The following RET variants were observed in gnomAD, a reference collection of about 807,000 sequenced individuals.
RET encodes ret proto-oncogene, also known as proto-oncogene tyrosine-protein kinase receptor Ret.
In RET, 19 loss-of-function variants were observed where a neutral mutation model predicts 118.3. That is an observed-to-expected ratio of 0.16 (90% CI 0.11 to 0.24). The LOEUF is 0.24. Ranked by LOEUF, RET falls within the 10% of genes least tolerant of loss-of-function variation. The pLI, the probability that RET is intolerant of heterozygous loss-of-function variation, is 1.00. For missense variants in RET, 1,219 were observed against 1,502.1 expected (o/e 0.81, Z 3.12); for synonymous variants, 597 against 644.1 (o/e 0.93, Z 1.11).
intron 1 of RET, among the ~76,000 whole-genome samples, chr10:43,081,423 A>G (rs112712687): frequency 1.3e-5 from 2 of 152,190 alleles, no homozygotes; most frequent in African/African-American, 4.8e-5. Context: ...GAGCTGTCTC[A>G]TGGCAGGGAG....
At chr10:43,119,115 A>C (rs1286443523) in intron 13 of RET, among the ~76,000 whole-genome samples, 1 of 152,088 alleles carries the variant, frequency 6.6e-6, no homozygotes, top group Non-Finnish European at 1.5e-5. Flanking sequence ...GGGAACAGGG[A>C]GCAGGCTGTG....
chr10:43,077,484 T>TGCGGTGG (rs1837072827), intron 1 of RET, among the ~76,000 whole-genome samples, 153 bp downstream of exon 1: 1 of 59,062 alleles, frequency 1.7e-5, no homozygotes, highest in African/African-American at 5.7e-5. Context: ...GCGCAGTGGC[T>TGCGGTGG]GCGGCGGGCG....
rs1325766332 is a variant in RET at position 43,120,069 on chromosome 10, T to C, written c.2608-12T>C. ...GCCATGGCCTGACGACTCGTGCTAT[T>C]TTTCCTCACAGCTCGTTCATCGGGA... On this transcript the variant is annotated splice_polypyrimidine_tract_variant and intron_variant, in intron 14 of 19. Coordinates refer to ENST00000355710, the MANE Select transcript of RET (RefSeq NM_020975.6). 1 of 1,613,390 alleles carries C rather than the reference T, an allele frequency of 6.2e-7. No individual in the cohort carries two copies. The highest frequency in any genetic ancestry group is 1.3e-5 in the African/African-American group (1 of 74,916).
chr10:43,104,027 G>T (rs1028668419), intron 3 of RET, among the ~76,000 whole-genome samples: 1 of 152,238 alleles, frequency 6.6e-6, no homozygotes, highest in Non-Finnish European at 1.5e-5. Context: ...TGCTTCAGGG[G>T]CGATGTAGTC....
In RET at chr10:43,114,365, C is replaced by G; in HGVS notation, c.1880-115C>G. Reference sequence around the variant, plus strand: ...CCTTCCCACACCTCCATGGCCACTTCCCAGCTGGCGCGGACACGGCAGGCT... The same window carrying G: ...CCTTCCCACACCTCCATGGCCACTTGCCAGCTGGCGCGGACACGGCAGGCT... On this transcript the variant is annotated intron_variant, in intron 10 of 19. Coordinates refer to ENST00000355710, the MANE Select transcript of RET (RefSeq NM_020975.6). This position sits in a 1 kb window ranked among gnomAD's most constrained non-coding sequence, Gnocchi z 4.6. 6.9e-7 allele frequency: 1 copy of G among 1,450,702 alleles called. No homozygotes were observed. Among genetic ancestry groups the G allele is most frequent in the Non-Finnish European group, 9.4e-7 (1 of 1,063,392 alleles). 89.9% of individuals were successfully genotyped at this position (1,450,702 alleles called of 1,614,324 possible).
At chr10:43,121,866 T>A in intron 15 of RET, 80 bp from the exon 16 acceptor site, 1 of 1,051,094 alleles carries the variant, frequency 9.5e-7, no homozygotes, top group Non-Finnish European at 1.5e-6. Flanking sequence ...AGCTCAGGGA[T>A]AGGGCCTGGC....
intron 1 of RET, among the ~76,000 whole-genome samples, chr10:43,081,255 C>T (rs1333752720): frequency 6.6e-6 from 1 of 151,906 alleles, no homozygotes; most frequent in Non-Finnish European, 1.5e-5. Context: ...CCGTTCTCTG[C>T]TGTGCCCTCT....
chr10:43,095,589 CG>C (rs1837506540), intron 1 of RET, among the ~76,000 whole-genome samples: 1 of 152,246 alleles, frequency 6.6e-6, no homozygotes, highest in African/African-American at 2.4e-5. Flanking sequence ...AGCCCAGCCA[CG>C]TGTGGAACAT....
intron 1 of RET, among the ~76,000 whole-genome samples, chr10:43,099,009 C>T (rs1229030791): frequency 6.6e-6 from 1 of 152,140 alleles, no homozygotes; most frequent in East Asian, 1.9e-4. Context: ...TCCATTTTCA[C>T]CGACAATGTA....
Position 43,077,310 on chromosome 10 carries a change from C to G in RET, c.52C>G (p.Leu18Val). Residue 18 changes from leucine to valine, a missense_variant, in exon 1 of 20, where the codon CTG becomes GTG. By Grantham distance (32) the Leu-to-Val change is conservative. Transcript: ENST00000355710. ...GGGGCTGCGTCTGCTGTTGCTGCTG[C>G]TGCTGCCGCTGCTAGGCAAAGGTGA... ...AAGLRLLLLL[L>V]LPLLGKVALG... is the part of the protein sequence containing the mutation. 1 of 1,511,764 alleles carries G rather than the reference C, an allele frequency of 6.6e-7. No individual in the cohort carries two copies. The highest frequency in any genetic ancestry group is 1.2e-5 in the South Asian group (1 of 81,440). 93.6% of individuals were successfully genotyped at this position (1,511,764 alleles called of 1,614,324 possible).
At chr10:43,086,491 G>A (rs1363960726) in intron 1 of RET, among the ~76,000 whole-genome samples, 3 of 152,162 alleles carry the variant, frequency 2.0e-5, no homozygotes, top group African/African-American at 7.2e-5. Flanking sequence ...GAGGCACCAG[G>A]GTCAAAGCCA....
chr10:43,112,117 G>T lies in RET; in HGVS notation c.1541G>T (p.Gly514Val). Residue 514 changes from glycine (G) to valine (V), a missense_variant, in exon 8 of 20, where the codon GGC (glycine) becomes GTC (valine). By Grantham distance (109) the Gly-to-Val change is moderately radical. Around this residue, in one of 5 missense-constraint regions of RET, gnomAD observed 850 missense variants for 969.6 expected, o/e 0.88. Transcript: ENST00000355710. ...CCTGCAGATGTGGCCGAGGAGGCGG[G>T]CTGCCCCCTGTCCTGTGCAGTCAGC... Reference protein sequence around the residue: ...VEGSYVAEEAGCPLSCAVSKR... With the variant: ...VEGSYVAEEAVCPLSCAVSKR... 1 of 1,601,814 alleles carries T rather than the reference G, an allele frequency of 6.2e-7. No individual in the cohort carries two copies. The highest frequency in any genetic ancestry group is 8.5e-7 in the Non-Finnish European group (1 of 1,174,344).
chr10:43,082,155 C>A (rs1214065147), intron 1 of RET, among the ~76,000 whole-genome samples: 1 of 152,190 alleles, frequency 6.6e-6, no homozygotes, highest in Non-Finnish European at 1.5e-5. Context: ...CCTGAGACTG[C>A]AGGCAGGGCA....
intron 7 of RET, 48 bp downstream of exon 7, chr10:43,111,513 G>A (rs2132779554): frequency 1.3e-6 from 2 of 1,583,580 alleles, no homozygotes; most frequent in African/African-American, 1.3e-5. Flanking sequence ...GGGGGCTTCT[G>A]GAGCCTGGGC....
In RET at chr10:43,129,052, T is replaced by C. The variant is rs890682130; in HGVS notation, c.*783T>C. On this transcript the variant is annotated 3_prime_UTR_variant, in exon 20 of 20. Transcript: ENST00000355710. Reference sequence around the variant, plus strand: ...CACATCATCCTCACGTGTTCGGTACTGAGCAGCCACTACCCCTGATGAGAA... The same window carrying C: ...CACATCATCCTCACGTGTTCGGTACCGAGCAGCCACTACCCCTGATGAGAA... 1 of 234,474 alleles carries C rather than the reference T, an allele frequency of 4.3e-6. No individual in the cohort carries two copies. The highest frequency in any genetic ancestry group is 2.2e-5 in the African/African-American group (1 of 45,268). 14.5% of individuals were successfully genotyped at this position (234,474 alleles called of 1,614,324 possible).
rs568868722 is a variant in RET, at chr10:43,127,280, G to A, written c.3187+558G>A. On this transcript the variant is annotated intron_variant, in intron 19 of 19. Transcript: ENST00000355710. ...CATGTCCTCCATCAGGGGTAGCGAGGTTGCAGGAGCTGGCTGGCCCTGGGA... is the reference window on the plus strand; with the variant it reads ...CATGTCCTCCATCAGGGGTAGCGAGATTGCAGGAGCTGGCTGGCCCTGGGA... 10 of 1,070,272 alleles carry A rather than the reference G, an allele frequency of 9.3e-6. No individual in the cohort carries two copies. In the South Asian group the frequency reaches 1.3e-4, roughly 14 times the overall value. 66.3% of individuals were successfully genotyped at this position (1,070,272 alleles called of 1,614,324 possible).
At chr10:43,124,842 C>T (rs773812888) in intron 17 of RET, 41 bp from the exon 18 acceptor site, 4 of 1,595,590 alleles carry the variant, frequency 2.5e-6, no homozygotes, top group Non-Finnish European at 3.4e-6. Context: ...TGAGACCTGG[C>T]CCTGCTTGGA....
At chr10:43,112,587 C>T (rs1837964606) in intron 8 of RET, among the ~76,000 whole-genome samples, 1 of 152,212 alleles carries the variant, frequency 6.6e-6, no homozygotes, top group Non-Finnish European at 1.5e-5. Flanking sequence ...GTGTGCCCAC[C>T]ACCATGAGGG....
In RET at chr10:43,083,126, G is replaced by A. The variant is rs954223331; in HGVS notation, c.73+5795G>A. 6.6e-5 allele frequency among the ~76,000 whole-genome samples: 10 copies of A among 152,336 alleles called. No homozygotes were observed. In the East Asian group the frequency reaches 1.4e-3, roughly 21 times the overall value. Reference sequence around the variant, plus strand: ...CAGGGAAACAACGGGGCTCATGGGCGCTTGGTGACATGGGCACATTGCTCT... The same window carrying A: ...CAGGGAAACAACGGGGCTCATGGGCACTTGGTGACATGGGCACATTGCTCT... On this transcript the variant is annotated intron_variant, in intron 1 of 19. Coordinates refer to ENST00000355710, the MANE Select transcript of RET (RefSeq NM_020975.6).
Sources: allele counts gnomAD v4.1 joint callset (sites outside exome capture counted in the v4.1 genomes callset), GRCh38; gene constraint gnomAD v4.1.1; regional missense constraint gnomAD v4.1.1; non-coding constraint Gnocchi (gnomAD v3.1); transcripts MANE v1.5; gene names NCBI Gene and HGNC (gene_info 2026-07-23, HGNC 2026-07-21).